Variants in ALK observed in about 807,000 individuals in gnomAD.
The protein encoded by ALK is ALK tyrosine kinase receptor.
Under a neutral mutation model 163.1 loss-of-function variants are expected in ALK, and 74 were observed. That is an observed-to-expected ratio of 0.45 (90% CI 0.38 to 0.55). ALK has a LOEUF of 0.55. Ranked by LOEUF, ALK falls within the 20% of genes least tolerant of loss-of-function variation. ALK has a pLI of 0.00. For synonymous variants in ALK, 960 were observed against 843.2 expected, an observed-to-expected ratio of 1.14 and a Z score of -2.40; for missense variants, 2,063 against 2,105.3, an observed-to-expected ratio of 0.98 and a Z score of 0.39.
chr2:29,823,931 G>A (rs547610532), intron 1 of ALK, among the ~76,000 whole-genome samples: 10 of 152,316 alleles, frequency 6.6e-5, no homozygotes, highest in Admixed American at 6.5e-4. Flanking sequence ...GCATGTCAGA[G>A]GTCTTCACAG....
intron 1 of ALK, among the ~76,000 whole-genome samples, chr2:29,725,935 C>A (rs1356204008): frequency 6.6e-6 from 1 of 152,136 alleles, no homozygotes; most frequent in Non-Finnish European, 1.5e-5. Flanking sequence ...GACATGATTT[C>A]AGCATCCCAA....
chr2:29,604,976 G>A (rs1374409818), intron 3 of ALK, among the ~76,000 whole-genome samples: 2 of 152,194 alleles, frequency 1.3e-5, no homozygotes, highest in Non-Finnish European at 2.9e-5. Flanking sequence ...AATAAATATA[G>A]GTGATATTTA....
intron 1 of ALK, among the ~76,000 whole-genome samples, chr2:29,879,860 C>T (rs189917695): frequency 3.0e-4 from 46 of 152,212 alleles, no homozygotes; most frequent in African/African-American, 1.0e-3. Context: ...CTAACAAGGC[C>T]GAAACTTCAT....
chr2:29,518,307 C>T (rs570488950), intron 4 of ALK, among the ~76,000 whole-genome samples: 1 of 152,162 alleles, frequency 6.6e-6, no homozygotes, highest in Non-Finnish European at 1.5e-5. Context: ...GCAAAGCTGG[C>T]AGGCTACAGG....
At chr2:29,266,491 A>G (rs1665225248) in intron 11 of ALK, among the ~76,000 whole-genome samples, 1 of 152,254 alleles carries the variant, frequency 6.6e-6, no homozygotes, top group African/African-American at 2.4e-5. Context: ...TATATATTTA[A>G]TAATAATGTT....
chr2:29,620,470 A>G (rs1675999468), intron 3 of ALK, among the ~76,000 whole-genome samples: 1 of 118,142 alleles, frequency 8.5e-6, no homozygotes. Flanking sequence ...TGAGGACCTC[A>G]ACATATACTT....
intron 4 of ALK, among the ~76,000 whole-genome samples, chr2:29,397,447 G>A (rs1669338022): frequency 6.6e-6 from 1 of 152,178 alleles, no homozygotes; most frequent in African/African-American, 2.4e-5. Flanking sequence ...CTAGCCTCCA[G>A]AACTGTGAGA....
chr2:29,845,424 C>T (rs1443750325), intron 1 of ALK, among the ~76,000 whole-genome samples: 1 of 122,668 alleles, frequency 8.2e-6, no homozygotes, highest in African/African-American at 3.1e-5. Flanking sequence ...GCAAGGCTTC[C>T]TCAACCTTTA....
chr2:29,550,373 T>C (rs960202760), intron 3 of ALK, among the ~76,000 whole-genome samples: 3 of 152,194 alleles, frequency 2.0e-5, no homozygotes, highest in Non-Finnish European at 2.9e-5. Flanking sequence ...AGCCTTTCCC[T>C]GGACCTTGGC....
chr2:29,706,974 A>AAT (rs772740116), intron 2 of ALK, among the ~76,000 whole-genome samples: 8 of 62,848 alleles, frequency 1.3e-4, no homozygotes, highest in African/African-American at 3.5e-4. Context: ...ACTCATGCAG[A>AAT]ATGTGTGTGT....
At chr2:29,433,458 C>G (rs1003554418) in intron 4 of ALK, among the ~76,000 whole-genome samples, 4 of 152,142 alleles carry the variant, frequency 2.6e-5, no homozygotes, top group African/African-American at 7.2e-5. Context: ...AATTGTTCCC[C>G]CCAAGTGCTT....
intron 1 of ALK, among the ~76,000 whole-genome samples, chr2:29,759,067 T>C (rs1680625459): frequency 6.6e-6 from 1 of 152,218 alleles, no homozygotes; most frequent in Admixed American, 6.5e-5. Context: ...TCTTCCATTT[T>C]TCCCATCTCT....
At chr2:29,271,214 C>T (rs938819002) in intron 11 of ALK, among the ~76,000 whole-genome samples, 2 of 152,178 alleles carry the variant, frequency 1.3e-5, no homozygotes, top group East Asian at 1.9e-4. Context: ...CCAAGGATGC[C>T]GTCATCCCCA....
chr2:29,300,547 T>C (rs1199773395), intron 8 of ALK, among the ~76,000 whole-genome samples: 2 of 82,270 alleles, frequency 2.4e-5, no homozygotes, highest in Non-Finnish European at 5.1e-5. Context: ...AGAGCAAGAC[T>C]CTGTCTCAAA....
Position 29,227,006 on chromosome 2 carries a change from A to AT in ALK, c.2982dup (p.Cys995MetfsTer6), listed in dbSNP as rs1336795860. ...TTGTGGCTTTCAGGGTCCATGTGAC[A>AT]TTCGTCTACCTCACAGTGACTGCAG... On this transcript the variant is annotated frameshift_variant, in exon 18 of 29. Transcript: ENST00000389048. LOFTEE classifies it high-confidence loss of function. This position sits in a 1 kb window ranked among gnomAD's most constrained non-coding sequence, Gnocchi z 4.4. 1 of 1,614,040 alleles carries AT rather than the reference A, an allele frequency of 6.2e-7. No homozygotes were observed. The highest frequency in any genetic ancestry group is 8.5e-7 in the Non-Finnish European group (1 of 1,180,038).
At chr2:29,785,827 C>T (rs902851104) in intron 1 of ALK, among the ~76,000 whole-genome samples, 12 of 151,918 alleles carry the variant, frequency 7.9e-5, no homozygotes, top group African/African-American at 2.9e-4. Flanking sequence ...TGACTGCTCC[C>T]CTATCTTTCA....
chr2:29,705,751 G>A (rs1294008744), intron 2 of ALK, among the ~76,000 whole-genome samples: 1 of 152,206 alleles, frequency 6.6e-6, no homozygotes, highest in South Asian at 2.1e-4. Context: ...GGAATTGTGA[G>A]GAGGGTGAAA....
intron 3 of ALK, among the ~76,000 whole-genome samples, chr2:29,625,341 G>C (rs1255464085): frequency 6.6e-6 from 1 of 152,176 alleles, no homozygotes; most frequent in Non-Finnish European, 1.5e-5. Flanking sequence ...GAAAGGAGGA[G>C]TGCACACATG....
chr2:29,277,067 T>C lies in ALK; in HGVS notation c.1818-1571A>G, dbSNP rs544787579. On this transcript the variant is annotated intron_variant, in intron 9 of 28. Transcript: ENST00000389048. ...CCCAGGCCACAGGGCATTGGCCACA[T>C]AGGGTGTCAAGAGCAGAAAACCAGA... Among the ~76,000 whole-genome samples the C allele has an allele frequency of 2.6e-5, 4 of 152,088 alleles. No homozygotes were observed. In the South Asian group the frequency reaches 8.3e-4, roughly 32 times the overall value.
Sources: gnomAD v4.1 joint callset for allele counts (sites outside exome capture counted in the v4.1 genomes callset) on GRCh38, gnomAD v4.1.1 for gene constraint, Gnocchi (gnomAD v3.1) non-coding constraint, MANE v1.5 for transcripts, NCBI Gene and HGNC (gene_info 2026-07-23, HGNC 2026-07-21) for gene names.